Variants in TCF4 observed in about 807,000 individuals in gnomAD.
The protein encoded by TCF4 is SL3-3 enhancer factor 2.
A neutral mutation model predicts 82.1 loss-of-function variants in TCF4; 3 were observed. That is an observed-to-expected ratio of 0.04 (90% CI 0.02 to 0.09). The LOEUF (loss-of-function observed/expected upper bound fraction) is 0.09. TCF4 is among the 10% of genes least tolerant of loss of function. The pLI, the probability that TCF4 is intolerant of heterozygous loss-of-function variation, is 1.00. For missense variants in TCF4, 518 were observed against 852.7 expected (o/e 0.61, Z 4.89); for synonymous variants, 276 against 309.6 (o/e 0.89, Z 1.14).
chr18:55,305,782 G>A (rs1261597812), intron 8 of TCF4, among the ~76,000 whole-genome samples: 2 of 152,142 alleles, frequency 1.3e-5, no homozygotes, highest in Admixed American at 6.5e-5. Flanking sequence ...CAAAAGCAAT[G>A]TGTATTTTTA....
At chr18:55,282,855 G>A (rs529551764) in intron 8 of TCF4, among the ~76,000 whole-genome samples, 45 of 151,798 alleles carry the variant, frequency 3.0e-4, no homozygotes, top group African/African-American at 1.0e-3. Flanking sequence ...CCAATAATAC[G>A]CTTAGATCAA....
chr18:55,376,603 C>T (rs182619303), intron 6 of TCF4, among the ~76,000 whole-genome samples: 2 of 152,310 alleles, frequency 1.3e-5, no homozygotes, highest in Admixed American at 1.3e-4. Flanking sequence ...CTATCACAAA[C>T]TCACAACTGG....
rs796730941 is a variant in TCF4, at chr18:55,367,479, G to A, written c.370-16476C>T. Among the ~76,000 whole-genome samples the A allele has an allele frequency of 3.3e-5, 5 of 152,160 alleles. No individual in the cohort carries two copies. The South Asian group carries it at 1.0e-3, about 32-fold the overall frequency. ...ATTTTCATAGTTCAACCAAGTTGCA[G>A]GATTCTGCTGTTTGGTGGCCCCTTC... On this transcript the variant is annotated intron_variant, in intron 6 of 19. Coordinates refer to ENST00000354452, the MANE Select transcript of TCF4 (RefSeq NM_001083962.2).
intron 3 of TCF4, among the ~76,000 whole-genome samples, chr18:55,534,726 G>A (rs1256645644): frequency 6.6e-6 from 1 of 152,200 alleles, no homozygotes; most frequent in East Asian, 1.9e-4. Flanking sequence ...TCAAGACTGT[G>A]AAATCTACCA....
At chr18:55,470,490 A>G (rs1445068063) in intron 3 of TCF4, among the ~76,000 whole-genome samples, 1 of 152,230 alleles carries the variant, frequency 6.6e-6, no homozygotes, top group East Asian at 1.9e-4. Flanking sequence ...TTCTCTTTAT[A>G]TCTCAGTGTA....
chr18:55,257,972 T>TA (rs761190430), intron 13 of TCF4, among the ~76,000 whole-genome samples: 1 of 152,148 alleles, frequency 6.6e-6, no homozygotes, highest in Middle Eastern at 3.4e-3. Context: ...AACTTGAAGG[T>TA]AAAAAAAGAT....
At chr18:55,279,156 T>C (rs193175274) in intron 9 of TCF4, among the ~76,000 whole-genome samples, 1 of 152,264 alleles carries the variant, frequency 6.6e-6, no homozygotes, top group Admixed American at 6.5e-5. Flanking sequence ...GGTTATACAT[T>C]AGGCCAACTT....
intron 5 of TCF4, chr18:55,404,089 CT>C: frequency 1.8e-6 from 2 of 1,100,940 alleles, no homozygotes; most frequent in Non-Finnish European, 2.2e-6. Flanking sequence ...GGAAACAGGG[CT>C]TTTGAAAAAT....
chr18:55,348,219 C>T (rs1033394237), intron 8 of TCF4, among the ~76,000 whole-genome samples: 1 of 152,050 alleles, frequency 6.6e-6, no homozygotes, highest in African/African-American at 2.4e-5. Flanking sequence ...GAAAATAGAG[C>T]TGGGATTTTT....
At chr18:55,515,482 C>T (rs1351924990) in intron 3 of TCF4, among the ~76,000 whole-genome samples, 1 of 152,122 alleles carries the variant, frequency 6.6e-6, no homozygotes, top group Non-Finnish European at 1.5e-5. Context: ...CCCCAGCATA[C>T]AAGAGGACAA....
At chr18:55,559,841 A>C (rs2097339593) in intron 3 of TCF4, among the ~76,000 whole-genome samples, 2 of 152,126 alleles carry the variant, frequency 1.3e-5, no homozygotes, top group South Asian at 4.1e-4. Flanking sequence ...ACTAGGAAAA[A>C]CATGAATGTT....
chr18:55,331,238 G>T (rs896106616), intron 8 of TCF4, among the ~76,000 whole-genome samples: 3 of 152,082 alleles, frequency 2.0e-5, no homozygotes, highest in African/African-American at 7.2e-5. Flanking sequence ...AGTATCTGTG[G>T]CCACTGTCTT....
At chr18:55,466,826 G>A (rs530236285) in intron 3 of TCF4, among the ~76,000 whole-genome samples, 3 of 152,118 alleles carry the variant, frequency 2.0e-5, no homozygotes, top group Admixed American at 1.3e-4. Context: ...TTTCAAAAGC[G>A]AGCAATCCAC....
chr18:55,392,570 C>A (rs949460876), intron 6 of TCF4, among the ~76,000 whole-genome samples: 17 of 151,844 alleles, frequency 1.1e-4, no homozygotes, highest in African/African-American at 4.1e-4. Context: ...ATGAAATCAT[C>A]TACTTTCTGA....
intron 8 of TCF4, among the ~76,000 whole-genome samples, chr18:55,349,787 C>A (rs1188113517): frequency 6.6e-6 from 1 of 152,052 alleles, no homozygotes; most frequent in Non-Finnish European, 1.5e-5. Flanking sequence ...CTGCATAGAG[C>A]TCCAGCTGTT....
At chr18:55,269,803 T>G (rs975434614) in intron 11 of TCF4, 28 bp downstream of exon 11, 5 of 1,612,560 alleles carry the variant, frequency 3.1e-6, no homozygotes, top group Non-Finnish European at 4.2e-6. Context: ...CAATTGTTGG[T>G]ATCAGAATTG....
intron 5 of TCF4, among the ~76,000 whole-genome samples, chr18:55,441,846 T>C (rs879472313): frequency 6.6e-6 from 1 of 152,196 alleles, no homozygotes; most frequent in African/African-American, 2.4e-5. Flanking sequence ...CACAGCATAG[T>C]GTGCATTTGT....
At chr18:55,431,171 T>C (rs758434384) in intron 5 of TCF4, among the ~76,000 whole-genome samples, 10 of 152,224 alleles carry the variant, frequency 6.6e-5, no homozygotes, top group Non-Finnish European at 1.3e-4. Context: ...TGGAGTTTAG[T>C]TGCAGCTCTT....
intron 17 of TCF4, chr18:55,229,534 T>G (rs1177372886): frequency 1.8e-4 from 30 of 170,476 alleles, no homozygotes; most frequent in Non-Finnish European, 3.8e-4. Context: ...ATCTGAAATC[T>G]AGGGGAAACA....
Sources: gnomAD v4.1 joint callset for allele counts (sites outside exome capture counted in the v4.1 genomes callset) on GRCh38, gnomAD v4.1.1 for gene constraint, MANE v1.5 for transcripts, NCBI Gene and HGNC (gene_info 2026-07-23, HGNC 2026-07-21) for gene names.